Variants in EYA4 observed in about 807,000 individuals in gnomAD.
EYA4 encodes the protein protein phosphatase EYA4.
EYA4 carries 31 observed loss-of-function variants against 87.9 expected under a neutral mutation model. The ratio of observed to expected loss-of-function variants is 0.35; its 90% CI spans 0.27 to 0.48. EYA4 has a LOEUF of 0.48. EYA4 is among the 20% of genes least tolerant of loss of function. The pLI is 0.99. For synonymous variants in EYA4, 263 were observed against 270.6 expected, an observed-to-expected ratio of 0.97 and a Z score of 0.28; for missense variants, 678 against 761.4, an observed-to-expected ratio of 0.89 and a Z score of 1.29.
intron 1 of EYA4, among the ~76,000 whole-genome samples, chr6:133,256,231 CACTT>C (rs558229616): frequency 1.3e-5 from 2 of 151,124 alleles, no homozygotes; most frequent in Non-Finnish European, 3.0e-5. Flanking sequence ...ATTAGTTTCT[CACTT>C]AAGAATATTT....
chr6:133,364,982 T>C (rs1399981030), intron 2 of EYA4, among the ~76,000 whole-genome samples: 1 of 152,198 alleles, frequency 6.6e-6, no homozygotes, highest in Non-Finnish European at 1.5e-5. Context: ...CTAGAACTAT[T>C]TTGAAAATTC....
intron 11 of EYA4, among the ~76,000 whole-genome samples, chr6:133,477,319 TG>T (rs1266041192): frequency 2.6e-5 from 4 of 152,160 alleles, no homozygotes; most frequent in African/African-American, 9.6e-5. Flanking sequence ...TTAACAGGTG[TG>T]AGGTGGTATC....
At chr6:133,523,542 G>T (rs894880738) in intron 18 of EYA4, among the ~76,000 whole-genome samples, 6 of 152,098 alleles carry the variant, frequency 3.9e-5, no homozygotes, top group African/African-American at 1.4e-4. Context: ...TACAATTTTG[G>T]CTTTGCAGGG....
At chr6:133,271,464 G>A (rs992553874) in intron 1 of EYA4, among the ~76,000 whole-genome samples, 1 of 152,168 alleles carries the variant, frequency 6.6e-6, no homozygotes, top group Admixed American at 6.5e-5. Flanking sequence ...GGTAGTCTTG[G>A]CAGAAGCATT....
intron 1 of EYA4, among the ~76,000 whole-genome samples, chr6:133,262,423 C>G (rs1366922099): frequency 6.6e-6 from 1 of 152,196 alleles, no homozygotes; most frequent in Non-Finnish European, 1.5e-5. Flanking sequence ...GAAAGTTGGT[C>G]TGCAGAGTCT....
At position 133,530,398 on chromosome 6, in the gene EYA4, A is replaced by G. The variant is rs1800940845; in HGVS notation, c.*1593A>G. 5 of 985,374 alleles carry G rather than the reference A, an allele frequency of 5.1e-6. No individual in the cohort carries two copies. The highest frequency in any genetic ancestry group is 4.7e-5 in the South Asian group (1 of 21,278). 61.0% of individuals were successfully genotyped at this position (985,374 alleles called of 1,614,324 possible). ...GATACAGGTTCTCCTCTTATTTCCT[A>G]TGACACGATTTCCCTTGTGGAAATT... On this transcript the variant is annotated 3_prime_UTR_variant, in exon 20 of 20. Coordinates refer to ENST00000355286, the MANE Select transcript of EYA4 (RefSeq NM_004100.5).
At position 133,512,782 on chromosome 6, in the gene EYA4, A is replaced by G. The variant is rs1242472994; in HGVS notation, c.1340+3A>G. 15 of 1,612,726 alleles carry G rather than the reference A, an allele frequency of 9.3e-6. No individual in the cohort carries two copies. The highest frequency in any genetic ancestry group is 2.7e-5 in the African/African-American group (2 of 74,928). ...GATGATAATGGGCAGGACTTAAGGT[A>G]AGCTATGCCTTTCAGTATGCTGTTT... On this transcript the variant is annotated splice_donor_region_variant and intron_variant, in intron 15 of 19. Coordinates refer to ENST00000355286, the MANE Select transcript of EYA4 (RefSeq NM_004100.5).
At chr6:133,367,362 G>A (rs1438578621) in intron 2 of EYA4, among the ~76,000 whole-genome samples, 1 of 152,180 alleles carries the variant, frequency 6.6e-6, no homozygotes, top group African/African-American at 2.4e-5. Context: ...TGTAAAGGAT[G>A]CACCCCATGA....
intron 2 of EYA4, among the ~76,000 whole-genome samples, chr6:133,342,574 C>CATATAT (rs56987430): frequency 0.087 from 8,668 of 99,844 alleles, 572 homozygotes; most frequent in Non-Finnish European, 0.12. Context: ...TACACACTGC[C>CATATAT]ATATATATAT....
At chr6:133,251,262 T>C (rs1774877164) in intron 1 of EYA4, among the ~76,000 whole-genome samples, 1 of 152,242 alleles carries the variant, frequency 6.6e-6, no homozygotes, top group South Asian at 2.1e-4. Flanking sequence ...TGCTTTTTTT[T>C]CAGCCGTAAG....
rs1386859419 is a variant in EYA4 at position 133,530,177 on chromosome 6, AT to A, written c.*1373del. On this transcript the variant is annotated 3_prime_UTR_variant, in exon 20 of 20. Coordinates refer to ENST00000355286, the MANE Select transcript of EYA4 (RefSeq NM_004100.5). ...GCTGGATCTTGGCAGCGCTGCTGAA[AT>A]GACAACAGTAAAATAATACCTGGTT... 2 of 985,320 alleles carry A rather than the reference AT, an allele frequency of 2.0e-6. No homozygotes were observed. Among genetic ancestry groups the A allele is most frequent in the Admixed American group, 6.1e-5 (1 of 16,270 alleles). The allele number at this position is 985,320 out of a possible 1,614,324, so 61.0% of individuals were successfully genotyped here.
At chr6:133,350,564 T>G (rs993132603) in intron 2 of EYA4, among the ~76,000 whole-genome samples, 2 of 151,994 alleles carry the variant, frequency 1.3e-5, no homozygotes, top group African/African-American at 4.8e-5. Flanking sequence ...GAAAGGAACT[T>G]ATTGTGCATG....
Position 133,369,486 on chromosome 6 carries a change from ATAAAT to A in EYA4, c.34-12900_34-12896del, listed in dbSNP as rs566409987. On this transcript the variant is annotated intron_variant, in intron 2 of 19. Coordinates refer to ENST00000355286, the MANE Select transcript of EYA4 (RefSeq NM_004100.5). Reference sequence around the variant, plus strand: ...TACCTCAGATGAAAATATATACAAAATAAATTAAATAAAAATGTCTGTAATTATCT... The same window carrying A: ...TACCTCAGATGAAAATATATACAAAATAAATAAAAATGTCTGTAATTATCT... 2.9e-3 allele frequency among the ~76,000 whole-genome samples: 436 copies of A among 152,030 alleles called. 1 individual carries two copies. Among genetic ancestry groups the A allele is most frequent in the South Asian group, 4.8e-3 (23 of 4,812 alleles).
At chr6:133,285,702 A>G (rs1778000784) in intron 2 of EYA4, among the ~76,000 whole-genome samples, 1 of 152,242 alleles carries the variant, frequency 6.6e-6, no homozygotes, top group Non-Finnish European at 1.5e-5. Context: ...GGCTATTTTA[A>G]CTATCCAGAT....
chr6:133,279,198 T>C (rs778394607), intron 2 of EYA4, among the ~76,000 whole-genome samples: 5 of 152,170 alleles, frequency 3.3e-5, no homozygotes, highest in African/African-American at 9.6e-5. Context: ...ATGTTAAGTA[T>C]TGTATGTTAT....
At chr6:133,341,668 A>G (rs1782789519) in intron 2 of EYA4, among the ~76,000 whole-genome samples, 1 of 152,190 alleles carries the variant, frequency 6.6e-6, no homozygotes, top group Non-Finnish European at 1.5e-5. Context: ...ATTAAAAAAA[A>G]AACATTGACT....
chr6:133,313,813 T>C (rs1780419105), intron 2 of EYA4, among the ~76,000 whole-genome samples: 1 of 152,198 alleles, frequency 6.6e-6, no homozygotes, highest in Admixed American at 6.5e-5. Flanking sequence ...CATTATTGTA[T>C]TTAAGCTGAC....
chr6:133,309,515 T>G (rs1011871768), intron 2 of EYA4, among the ~76,000 whole-genome samples: 2 of 152,244 alleles, frequency 1.3e-5, no homozygotes, highest in Non-Finnish European at 2.9e-5. Flanking sequence ...CTAGACATTT[T>G]CAAACAAATC....
In EYA4 at chr6:133,306,684, CATTT is replaced by C. The variant is rs1779836724; in HGVS notation, c.33+31874_33+31877del. 3.9e-5 allele frequency among the ~76,000 whole-genome samples: 6 copies of C among 152,160 alleles called. No homozygotes were observed. The South Asian group carries it at 1.2e-3, about 32-fold the overall frequency. On this transcript the variant is annotated intron_variant, in intron 2 of 19. Transcript: ENST00000355286. ...TAGATTCTCTCATTTGTTTCATGTT[CATTT>C]ATGATAGCTAACACTTTTAAGAACC...
Sources: allele counts gnomAD v4.1 joint callset (sites outside exome capture counted in the v4.1 genomes callset), GRCh38; gene constraint gnomAD v4.1.1; transcripts MANE v1.5; gene names NCBI Gene and HGNC (gene_info 2026-07-23, HGNC 2026-07-21).